Variants in GABRB1 observed in about 807,000 individuals in gnomAD.
The protein encoded by GABRB1 is gamma-aminobutyric acid receptor subunit beta-1.
Under a neutral mutation model 51.6 loss-of-function variants are expected in GABRB1, and 17 were observed. The ratio of observed to expected loss-of-function variants is 0.33; its 90% CI spans 0.23 to 0.49. GABRB1 has a LOEUF of 0.49. Among genes scored for constraint, GABRB1 ranks in the 20% least tolerant of loss-of-function variants. The pLI, the probability that GABRB1 is intolerant of heterozygous loss-of-function variation, is 0.99. For synonymous variants in GABRB1, 247 were observed against 218.9 expected, an observed-to-expected ratio of 1.13 and a Z score of -1.14; for missense variants, 410 against 600.6, an observed-to-expected ratio of 0.68 and a Z score of 3.32.
intron 1 of GABRB1, 63 bp from the exon 2 acceptor site, chr4:47,031,851 T>C: frequency 6.5e-7 from 1 of 1,536,964 alleles, no homozygotes; most frequent in South Asian, 1.1e-5. Context: ...TGTGCCTGTA[T>C]CTTTTTATAT....
At chr4:47,071,250 A>C (rs933895238) in intron 3 of GABRB1, among the ~76,000 whole-genome samples, 1 of 152,172 alleles carries the variant, frequency 6.6e-6, no homozygotes, top group Non-Finnish European at 1.5e-5. Context: ...CTTCTGAACT[A>C]ATTTCTGTGT....
intron 5 of GABRB1, among the ~76,000 whole-genome samples, chr4:47,361,994 T>C (rs1160199009): frequency 6.6e-6 from 1 of 151,828 alleles, no homozygotes. Context: ...ATTTGCCTAG[T>C]GAGAAAATGG....
At chr4:47,351,979 C>T (rs1056920435) in intron 5 of GABRB1, among the ~76,000 whole-genome samples, 10 of 152,168 alleles carry the variant, frequency 6.6e-5, no homozygotes, top group East Asian at 3.9e-4. Flanking sequence ...CCTGAGGAAT[C>T]GCCACACTAA....
chr4:47,192,596 T>A (rs137925495), intron 4 of GABRB1, among the ~76,000 whole-genome samples: 1 of 152,216 alleles, frequency 6.6e-6, no homozygotes, highest in Non-Finnish European at 1.5e-5. Context: ...CATTTATAAA[T>A]AAATGTGTTA....
intron 4 of GABRB1, among the ~76,000 whole-genome samples, chr4:47,241,144 A>G (rs1721504050): frequency 6.6e-6 from 1 of 152,072 alleles, no homozygotes; most frequent in Non-Finnish European, 1.5e-5. Context: ...TTTACAGGTT[A>G]TTTTTCCAGT....
At chr4:46,996,684 C>T (rs145721899) in intron 1 of GABRB1, among the ~76,000 whole-genome samples, 1 of 152,092 alleles carries the variant, frequency 6.6e-6, no homozygotes, top group African/African-American at 2.4e-5. Flanking sequence ...AATCTCTATC[C>T]CATTTTATAA....
chr4:47,119,698 AAGGTTTCTCCATGTTGGTC>A (rs1252530284), intron 3 of GABRB1, among the ~76,000 whole-genome samples: 1 of 151,934 alleles, frequency 6.6e-6, no homozygotes, highest in Non-Finnish European at 1.5e-5. Flanking sequence ...TAGCAGAGAC[AAGGTTTCTCCATGTTGGTC>A]AGGCTGGTCT....
chr4:47,295,238 A>C (rs1027297400), intron 4 of GABRB1, among the ~76,000 whole-genome samples: 1 of 152,244 alleles, frequency 6.6e-6, no homozygotes, highest in African/African-American at 2.4e-5. Flanking sequence ...CTCACCAGCA[A>C]CGGAACAAAG....
chr4:47,292,171 T>G (rs888353923), intron 4 of GABRB1, among the ~76,000 whole-genome samples: 4 of 152,150 alleles, frequency 2.6e-5, no homozygotes, highest in Non-Finnish European at 4.4e-5. Context: ...CCTTATGAGA[T>G]CTGATGGTCA....
Position 47,077,852 on chromosome 4 carries a change from T to A in GABRB1, c.240+45368T>A, listed in dbSNP as rs567376250. 1.9e-3 allele frequency among the ~76,000 whole-genome samples: 270 copies of A among 140,046 alleles called. 13 individuals are homozygous for A. In the East Asian group the frequency reaches 0.045, roughly 23 times the overall value. 91.9% of individuals were successfully genotyped at this position (140,046 alleles called of 152,430 possible). On this transcript the variant is annotated intron_variant, in intron 3 of 8. Coordinates refer to ENST00000295454, the MANE Select transcript of GABRB1 (RefSeq NM_000812.4). ...TATATATTATATATTTTATATATAT[T>A]TTTATATATTTTATATATATTATAT...
chr4:47,265,189 G>T lies in GABRB1; in HGVS notation c.462-54938G>T, dbSNP rs186701972. 2.0e-3 allele frequency among the ~76,000 whole-genome samples: 311 copies of T among 152,186 alleles called. 2 individuals are homozygous for T. The highest frequency in any genetic ancestry group is 7.3e-3 in the African/African-American group (303 of 41,530). On this transcript the variant is annotated intron_variant, in intron 4 of 8. Coordinates refer to ENST00000295454, the MANE Select transcript of GABRB1 (RefSeq NM_000812.4). ...CATTATTTAGCTCCCACTTATAGGT[G>T]AGAATGTGCAATATTTGACTTTCTG...
upstream of GABRB1, among the ~76,000 whole-genome samples, chr4:47,029,851 T>C (rs1725230647): frequency 6.6e-6 from 1 of 152,130 alleles, no homozygotes; most frequent in Non-Finnish European, 1.5e-5. Flanking sequence ...TATTTGCTCG[T>C]ACTATTTTGC....
intron 4 of GABRB1, among the ~76,000 whole-genome samples, chr4:47,216,409 G>T (rs892317139): frequency 2.0e-5 from 3 of 151,894 alleles, no homozygotes; most frequent in African/African-American, 7.2e-5. Context: ...AGTTATCACT[G>T]ATATTAAGCA....
chr4:47,203,222 C>T (rs993315713), intron 4 of GABRB1, among the ~76,000 whole-genome samples: 1 of 152,156 alleles, frequency 6.6e-6, no homozygotes, highest in Non-Finnish European at 1.5e-5. Context: ...TTTCCCTGCT[C>T]TTCCACTTTA....
intron 3 of GABRB1, among the ~76,000 whole-genome samples, chr4:47,034,184 CT>C (rs1371114368): frequency 6.6e-6 from 1 of 152,082 alleles, no homozygotes; most frequent in African/African-American, 2.4e-5. Context: ...TTTGTTCTAC[CT>C]TGCCGTGTAG....
intron 1 of GABRB1, among the ~76,000 whole-genome samples, chr4:47,023,496 A>G (rs1280461135): frequency 4.6e-5 from 7 of 151,864 alleles, no homozygotes; most frequent in African/African-American, 4.8e-5. Flanking sequence ...TTGTCATTTC[A>G]TGATTATTGA....
At chr4:47,328,491 A>C (rs898805391) in intron 5 of GABRB1, among the ~76,000 whole-genome samples, 1 of 152,192 alleles carries the variant, frequency 6.6e-6, no homozygotes, top group Non-Finnish European at 1.5e-5. Context: ...GGCACTATTC[A>C]TAATAGCAAA....
chr4:47,402,159 T>G (rs567153606), intron 5 of GABRB1, among the ~76,000 whole-genome samples: 96 of 152,314 alleles, frequency 6.3e-4, no homozygotes, highest in Admixed American at 2.0e-3. Flanking sequence ...AGCTTAAAAT[T>G]TCTTACATTC....
chr4:47,212,663 A>C (rs906587969), intron 4 of GABRB1, among the ~76,000 whole-genome samples: 4 of 152,142 alleles, frequency 2.6e-5, no homozygotes, highest in Non-Finnish European at 1.5e-5. Context: ...TGAGTGACAG[A>C]GTGAGACACT....
Sources: gnomAD v4.1 joint callset for allele counts (sites outside exome capture counted in the v4.1 genomes callset) on GRCh38, gnomAD v4.1.1 for gene constraint, MANE v1.5 for transcripts, NCBI Gene and HGNC (gene_info 2026-07-23, HGNC 2026-07-21) for gene names.